The following TMEM135 variants were observed in gnomAD, a reference collection of about 807,000 sequenced individuals.
TMEM135 encodes peroxisomal membrane protein 52.
Under a neutral mutation model 60.3 loss-of-function variants are expected in TMEM135, and 30 were observed. That is an observed-to-expected ratio of 0.50 (90% CI 0.37 to 0.68). The LOEUF (loss-of-function observed/expected upper bound fraction) is 0.68, where lower values mean the gene tolerates loss of function less well. TMEM135 is among the 30% of genes least tolerant of loss of function. TMEM135 has a pLI of 0.00. For missense variants in TMEM135, 468 were observed against 548.8 expected (o/e 0.85, Z 1.47); for synonymous variants, 190 against 186.7 (o/e 1.02, Z -0.14).
chr11:87,158,987 TATC>T (rs1196685022), intron 5 of TMEM135, among the ~76,000 whole-genome samples: 2 of 152,218 alleles, frequency 1.3e-5, no homozygotes, highest in Non-Finnish European at 2.9e-5. Flanking sequence ...CTGTTGAACT[TATC>T]TTCTTTTATA....
chr11:87,122,087 C>T (rs752621647), intron 4 of TMEM135, among the ~76,000 whole-genome samples: 1 of 152,192 alleles, frequency 6.6e-6, no homozygotes, highest in African/African-American at 2.4e-5. Flanking sequence ...TGTCAATCTA[C>T]ATCTGAATTT....
chr11:87,163,551 C>T (rs1938951688), intron 5 of TMEM135, among the ~76,000 whole-genome samples: 1 of 151,974 alleles, frequency 6.6e-6, no homozygotes, highest in Admixed American at 6.6e-5. Context: ...GGGTATGTAC[C>T]CAGTAATGGG....
At chr11:87,068,728 A>G (rs952286840) in intron 2 of TMEM135, among the ~76,000 whole-genome samples, 10 of 150,312 alleles carry the variant, frequency 6.7e-5, no homozygotes, top group Admixed American at 1.3e-4. Context: ...GGAGAATGGC[A>G]TAAACCCGGG....
intron 1 of TMEM135, among the ~76,000 whole-genome samples, chr11:87,066,181 T>C (rs551285442): frequency 2.6e-5 from 4 of 152,220 alleles, no homozygotes; most frequent in Non-Finnish European, 5.9e-5. Context: ...CTTTCTGTTC[T>C]GAAGTTAGTT....
intron 1 of TMEM135, among the ~76,000 whole-genome samples, chr11:87,063,052 A>G (rs949418174): frequency 1.3e-5 from 2 of 152,212 alleles, no homozygotes; most frequent in Non-Finnish European, 2.9e-5. Flanking sequence ...ATTGTAACAT[A>G]TATTTATTGT....
At chr11:87,106,238 G>C (rs966967817) in intron 4 of TMEM135, among the ~76,000 whole-genome samples, 3 of 151,802 alleles carry the variant, frequency 2.0e-5, no homozygotes, top group African/African-American at 7.3e-5. Context: ...TGAGTAGCTG[G>C]GAATAGAGGT....
intron 3 of TMEM135, among the ~76,000 whole-genome samples, chr11:87,088,031 C>G (rs1158370242): frequency 6.6e-6 from 1 of 152,160 alleles, no homozygotes; most frequent in Non-Finnish European, 1.5e-5. Flanking sequence ...AGCCACCACA[C>G]CTGGTTCAGA....
intron 5 of TMEM135, among the ~76,000 whole-genome samples, chr11:87,173,574 T>C (rs1412234151): frequency 6.6e-6 from 1 of 152,174 alleles, no homozygotes; most frequent in African/African-American, 2.4e-5. Context: ...ATAATGTCTG[T>C]AAGGCAGCTA....
At chr11:87,287,161 G>T (rs901885904) in intron 6 of TMEM135, among the ~76,000 whole-genome samples, 1 of 152,144 alleles carries the variant, frequency 6.6e-6, no homozygotes, top group African/African-American at 2.4e-5. Flanking sequence ...CTGAATAAAA[G>T]AAATTTAGAG....
chr11:87,062,403 A>G (rs1590988798), intron 1 of TMEM135, among the ~76,000 whole-genome samples: 1 of 40,472 alleles, frequency 2.5e-5, no homozygotes, highest in East Asian at 6.5e-4. Flanking sequence ...GGGTCAAAGA[A>G]CATTTCCCCC....
chr11:87,169,114 G>T (rs191520895), intron 5 of TMEM135, among the ~76,000 whole-genome samples: 1 of 151,702 alleles, frequency 6.6e-6, no homozygotes, highest in East Asian at 1.9e-4. Context: ...CAGAGACTAG[G>T]ATTGCAAACC....
chr11:87,238,431 C>G (rs1352514642), intron 6 of TMEM135, among the ~76,000 whole-genome samples: 1 of 151,990 alleles, frequency 6.6e-6, no homozygotes, highest in East Asian at 1.9e-4. Context: ...GTAGGGAGGA[C>G]TTGAACTGCA....
intron 3 of TMEM135, among the ~76,000 whole-genome samples, chr11:87,077,714 T>C (rs112853233): frequency 3.9e-5 from 6 of 152,332 alleles, no homozygotes; most frequent in African/African-American, 1.4e-4. Context: ...AACACTTTAT[T>C]CACCTCAAAT....
chr11:87,084,868 A>G lies in TMEM135; in HGVS notation c.363-6494A>G, dbSNP rs138822910. Among the ~76,000 whole-genome samples, 351 of 152,258 alleles carry G rather than the reference A, an allele frequency of 2.3e-3. 1 individual carries two copies. The highest frequency in any genetic ancestry group is 3.0e-3 in the Non-Finnish European group (203 of 68,018). ...TGAAGTTTAACAAGTTACTTATTGT[A>G]CTTCTTGGCCCCAGCTTCTCCTTTT... On this transcript the variant is annotated intron_variant, in intron 3 of 14. Coordinates refer to ENST00000305494, the MANE Select transcript of TMEM135 (RefSeq NM_022918.4).
chr11:87,278,984 A>ATT (rs34112632), intron 6 of TMEM135, among the ~76,000 whole-genome samples: 24 of 148,440 alleles, frequency 1.6e-4, no homozygotes, highest in South Asian at 1.1e-3. Context: ...GCTTCTCAGC[A>ATT]TTTTTTTTTT....
intron 5 of TMEM135, among the ~76,000 whole-genome samples, chr11:87,167,131 G>T (rs1327374730): frequency 6.6e-6 from 1 of 152,168 alleles, no homozygotes; most frequent in Non-Finnish European, 1.5e-5. Flanking sequence ...GTGTAGGAAT[G>T]CTTGTGATTT....
At chr11:87,178,157 G>A (rs1286970444) in intron 5 of TMEM135, among the ~76,000 whole-genome samples, 1 of 151,912 alleles carries the variant, frequency 6.6e-6, no homozygotes, top group Non-Finnish European at 1.5e-5. Context: ...TGGAGGTGCT[G>A]TTGGCCTAGA....
intron 5 of TMEM135, among the ~76,000 whole-genome samples, chr11:87,168,806 A>G (rs748677745): frequency 1.3e-5 from 2 of 152,194 alleles, no homozygotes; most frequent in Non-Finnish European, 2.9e-5. Flanking sequence ...AGATTTCTGT[A>G]GATGTCTATT....
chr11:87,236,940 C>A (rs1249752983), intron 6 of TMEM135, among the ~76,000 whole-genome samples: 1 of 151,756 alleles, frequency 6.6e-6, no homozygotes, highest in Non-Finnish European at 1.5e-5. Flanking sequence ...TTGAATATGT[C>A]AATTAATAGG....
Sources: gnomAD v4.1 joint callset for allele counts (sites outside exome capture counted in the v4.1 genomes callset) on GRCh38, gnomAD v4.1.1 for gene constraint, MANE v1.5 for transcripts, NCBI Gene and HGNC (gene_info 2026-07-23, HGNC 2026-07-21) for gene names.